LRBA: variants seen among roughly 807,000 people sequenced by gnomAD.
LRBA encodes LPS responsive beige-like anchor protein, also known as lipopolysaccharide-responsive and beige-like anchor protein.
Under a neutral mutation model 330.0 loss-of-function variants are expected in LRBA, and 176 were observed. The observed-to-expected ratio is 0.53, with a 90% CI of 0.47 to 0.60. The LOEUF (loss-of-function observed/expected upper bound fraction) is 0.60, where lower values mean the gene tolerates loss of function less well. Among genes scored for constraint, LRBA ranks in the 20% least tolerant of loss-of-function variants. The pLI is 0.00. For missense variants in LRBA, 3,259 were observed against 3,444.8 expected, an observed-to-expected ratio of 0.95 and a Z score of 1.35; for synonymous variants, 1,230 against 1,193.0, an observed-to-expected ratio of 1.03 and a Z score of -0.64.
chr4:150,949,913 A>G (rs1380135455), intron 2 of LRBA, among the ~76,000 whole-genome samples: 1 of 152,146 alleles, frequency 6.6e-6, no homozygotes, highest in East Asian at 1.9e-4. Context: ...TATACTATAC[A>G]AAAAAGATGA....
chr4:150,906,124 AT>A lies in LRBA; in HGVS notation c.1603-135del, dbSNP rs989601217. ...AAGATGCCATGAAGCTCACTATCACATTTGTTTGATAGAGGAATGGAGGCAA... is the reference window on the plus strand; with the variant it reads ...AAGATGCCATGAAGCTCACTATCACATTGTTTGATAGAGGAATGGAGGCAA... On this transcript the variant is annotated intron_variant, in intron 12 of 56. Transcript: ENST00000651943. 11 of 844,010 alleles carry A rather than the reference AT, an allele frequency of 1.3e-5. No homozygotes were observed. In the Admixed American group the frequency reaches 2.2e-4, roughly 17 times the overall value. The allele number at this position is 844,010 out of a possible 1,614,324, so 52.3% of individuals were successfully genotyped here. A position where few individuals can be genotyped will look rare whatever the true frequency, so the allele number is the denominator to read the frequency against.
intron 40 of LRBA, among the ~76,000 whole-genome samples, chr4:150,525,758 C>T (rs541086711): frequency 6.6e-6 from 1 of 151,980 alleles, no homozygotes; most frequent in Admixed American, 6.5e-5. Context: ...CTTATAAAAC[C>T]CCTGCTATTT....
intron 47 of LRBA, among the ~76,000 whole-genome samples, chr4:150,382,132 GTTTA>G (rs1742359524): frequency 6.6e-6 from 1 of 152,128 alleles, no homozygotes; most frequent in African/African-American, 2.4e-5. Flanking sequence ...TCCAAGTCCA[GTTTA>G]TTTATTTTTG....
rs78861808 is a variant in LRBA, at chr4:150,397,120, C to A, written c.7194+18318G>T. Among the ~76,000 whole-genome samples the A allele has an allele frequency of 7.1e-3, 1,078 of 152,222 alleles. 10 individuals are homozygous for A. Among genetic ancestry groups the A allele is most frequent in the African/African-American group, 0.025 (1,034 of 41,530 alleles). On this transcript the variant is annotated intron_variant, in intron 47 of 56. Coordinates refer to ENST00000651943, the MANE Select transcript of LRBA (RefSeq NM_001364905.1). ...CATTGAGATATCATACACATAAACACATCTTATATACTACATTTTTATATC... is the reference window on the plus strand; with the variant it reads ...CATTGAGATATCATACACATAAACAAATCTTATATACTACATTTTTATATC...
At chr4:150,474,349 C>A (rs1756478157) in intron 42 of LRBA, among the ~76,000 whole-genome samples, 1 of 152,092 alleles carries the variant, frequency 6.6e-6, no homozygotes, top group Non-Finnish European at 1.5e-5. Flanking sequence ...TGTACAATTA[C>A]CACAATTGAA....
intron 37 of LRBA, among the ~76,000 whole-genome samples, chr4:150,650,379 A>G (rs927445217): frequency 6.6e-6 from 1 of 152,232 alleles, no homozygotes; most frequent in African/African-American, 2.4e-5. Context: ...AATAACCAAG[A>G]AAACATTCTA....
At chr4:150,803,253 C>CA (rs1364397363) in intron 33 of LRBA, among the ~76,000 whole-genome samples, 2 of 151,162 alleles carry the variant, frequency 1.3e-5, no homozygotes, top group East Asian at 3.9e-4. Flanking sequence ...AAGAAAATGT[C>CA]TTTTTTTACA....
At chr4:150,612,565 C>A (rs1037722958) in intron 37 of LRBA, among the ~76,000 whole-genome samples, 5 of 152,296 alleles carry the variant, frequency 3.3e-5, no homozygotes, top group African/African-American at 1.2e-4. Context: ...CAATTATTTA[C>A]ATTCTAAAGT....
chr4:150,686,915 C>T lies in LRBA; in HGVS notation c.5755-3198G>A, dbSNP rs979946754. ...AAAGGCATAATTCTAAAAACAAGGG[C>T]TCAAGGTAAGCTAAACGGTAAAATG... On this transcript the variant is annotated intron_variant, in intron 36 of 56. Coordinates refer to ENST00000651943, the MANE Select transcript of LRBA (RefSeq NM_001364905.1). Among the ~76,000 whole-genome samples the T allele has an allele frequency of 7.9e-5, 12 of 152,148 alleles. 1 individual carries two copies. The East Asian group carries it at 2.1e-3, about 27-fold the overall frequency.
intron 40 of LRBA, chr4:150,584,086 C>T: frequency 6.4e-7 from 1 of 1,551,922 alleles, no homozygotes; most frequent in Non-Finnish European, 8.7e-7. Flanking sequence ...TCTCACCAAT[C>T]CCAAAAGCCT....
chr4:150,526,919 CAAT>C (rs959057225), intron 40 of LRBA, among the ~76,000 whole-genome samples: 1 of 151,816 alleles, frequency 6.6e-6, no homozygotes, highest in Admixed American at 6.6e-5. Context: ...TGTTTCCAAA[CAAT>C]AATCACAGAA....
At chr4:150,648,508 A>T (rs1779413849) in intron 37 of LRBA, among the ~76,000 whole-genome samples, 1 of 152,040 alleles carries the variant, frequency 6.6e-6, no homozygotes, top group Non-Finnish European at 1.5e-5. Flanking sequence ...TTCCAACAAT[A>T]AAAGTCTGCA....
chr4:150,782,627 G>A (rs11723005), intron 34 of LRBA, among the ~76,000 whole-genome samples: 152 of 152,192 alleles, frequency 1.0e-3, no homozygotes, highest in Non-Finnish European at 1.7e-3. Flanking sequence ...TGATACATAC[G>A]ATAACATTTA....
chr4:150,874,664 G>A (rs1753806266), intron 17 of LRBA, among the ~76,000 whole-genome samples: 1 of 152,076 alleles, frequency 6.6e-6, no homozygotes, highest in African/African-American at 2.4e-5. Flanking sequence ...GTGCAGCAGG[G>A]CCCTCTCTGC....
At chr4:150,449,535 A>C (rs535508214) in intron 44 of LRBA, among the ~76,000 whole-genome samples, 1 of 151,990 alleles carries the variant, frequency 6.6e-6, no homozygotes, top group East Asian at 1.9e-4. Flanking sequence ...AAAAAAAAAA[A>C]AAACCAGAAA....
intron 34 of LRBA, among the ~76,000 whole-genome samples, chr4:150,776,928 G>C (rs1052950549): frequency 2.0e-5 from 3 of 152,194 alleles, no homozygotes; most frequent in African/African-American, 7.2e-5. Flanking sequence ...ATTTATCCAA[G>C]ATTATTCTTG....
At chr4:150,722,105 C>T (rs991781303) in intron 36 of LRBA, among the ~76,000 whole-genome samples, 26 of 152,092 alleles carry the variant, frequency 1.7e-4, no homozygotes, top group Non-Finnish European at 4.4e-5. Context: ...GCAAGCCTTC[C>T]ACCCTCCCCT....
At chr4:150,906,888 A>G (rs1043804312) in intron 11 of LRBA, among the ~76,000 whole-genome samples, 1 of 152,094 alleles carries the variant, frequency 6.6e-6, no homozygotes, top group East Asian at 1.9e-4. Context: ...TGAATGGAGC[A>G]GAGGGCACAT....
intron 15 of LRBA, among the ~76,000 whole-genome samples, chr4:150,896,767 C>T (rs765917375): frequency 1.3e-5 from 2 of 151,988 alleles, no homozygotes; most frequent in Admixed American, 6.6e-5. Flanking sequence ...GTAATATCCA[C>T]ACCTACTACT....
Sources: allele counts gnomAD v4.1 joint callset (sites outside exome capture counted in the v4.1 genomes callset), GRCh38; gene constraint gnomAD v4.1.1; transcripts MANE v1.5; gene names NCBI Gene and HGNC (gene_info 2026-07-23, HGNC 2026-07-21).